The following CCDC171 variants were observed in gnomAD, a reference collection of about 807,000 sequenced individuals.
CCDC171 encodes coiled-coil domain-containing protein 171.
CCDC171 carries 177 observed loss-of-function variants against 168.2 expected under a neutral mutation model. The ratio of observed to expected loss-of-function variants is 1.05; its 90% CI spans 0.93 to 1.19. The LOEUF is 1.19. CCDC171 is among the 50% of genes most tolerant of loss of function. CCDC171 has a pLI of 0.00. For synonymous variants in CCDC171, 687 were observed against 540.8 expected, an observed-to-expected ratio of 1.27 and a Z score of -3.75; for missense variants, 1,991 against 1,539.0, an observed-to-expected ratio of 1.29 and a Z score of -4.91.
intron 7 of CCDC171, among the ~76,000 whole-genome samples, chr9:15,630,327 G>A (rs1161205147): frequency 2.0e-5 from 3 of 152,256 alleles, no homozygotes; most frequent in East Asian, 3.9e-4. Flanking sequence ...AAGGATGGAG[G>A]AAGATCTACC....
chr9:15,626,756 G>A (rs1203076835), intron 7 of CCDC171, among the ~76,000 whole-genome samples: 1 of 152,208 alleles, frequency 6.6e-6, no homozygotes, highest in Non-Finnish European at 1.5e-5. Flanking sequence ...GTTCATCAGG[G>A]ATATTGGTCT....
chr9:15,988,605 G>A (rs987385047), intron 3 of CCDC171, among the ~76,000 whole-genome samples: 15 of 152,174 alleles, frequency 9.9e-5, no homozygotes, highest in African/African-American at 3.1e-4. Flanking sequence ...CACACCCACC[G>A]AGCATGAGCC....
chr9:15,733,837 C>T (rs541977286), intron 16 of CCDC171, among the ~76,000 whole-genome samples: 28 of 152,142 alleles, frequency 1.8e-4, no homozygotes, highest in African/African-American at 5.1e-4. Context: ...GGCACAGTCA[C>T]GGCTCACTGC....
intron 1 of CCDC171, among the ~76,000 whole-genome samples, chr9:16,044,131 C>T (rs1405713946): frequency 6.6e-6 from 1 of 152,192 alleles, no homozygotes; most frequent in Non-Finnish European, 1.5e-5. Context: ...AGCAACAATA[C>T]ACTACTTCTT....
At position 15,972,385 on chromosome 9, in the gene CCDC171, A is replaced by G. The variant is rs1466589274; in HGVS notation, c.*549A>G. 6.5e-6 allele frequency: 1 copy of G among 154,282 alleles called. No homozygotes were observed. Among genetic ancestry groups the G allele is most frequent in the Non-Finnish European group, 1.4e-5 (1 of 69,646 alleles). 9.6% of individuals were successfully genotyped at this position (154,282 alleles called of 1,614,324 possible). On this transcript the variant is annotated 3_prime_UTR_variant, in exon 26 of 26. Coordinates refer to ENST00000380701, the MANE Select transcript of CCDC171 (RefSeq NM_173550.4). ...ATGTGACTGCTTCTCCTCCTGCACA[A>G]TAATGTCACTCCTGGTCAATGTGAG...
At chr9:15,976,691 T>A (rs557729534), downstream of CCDC171, among the ~76,000 whole-genome samples, 1 of 151,554 alleles carries the variant, frequency 6.6e-6, no homozygotes, top group South Asian at 2.1e-4. Flanking sequence ...TTTAAATATA[T>A]TTAAAAGAAA....
At position 16,007,752 on chromosome 9, in the gene CCDC171, T is replaced by C. The variant is rs558028304; in HGVS notation, n.369-12837T>C. On this transcript the variant is annotated intron_variant and non_coding_transcript_variant, in intron 3 of 9. Transcript: ENST00000486641. ...AGATCAGCTGGTTGTAGATGTGTGG[T>C]ATTATTTCTGAGGGCTCTGTTCTGT... Among the ~76,000 whole-genome samples the C allele has an allele frequency of 1.8e-3, 280 of 152,308 alleles. 3 individuals are homozygous for C. Among genetic ancestry groups the C allele is most frequent in the African/African-American group, 6.5e-3 (270 of 41,570 alleles).
chr9:15,907,719 G>A (rs1311243611), intron 24 of CCDC171, among the ~76,000 whole-genome samples: 3 of 152,112 alleles, frequency 2.0e-5, no homozygotes, highest in Non-Finnish European at 4.4e-5. Context: ...GAGTGAACAG[G>A]CAACCTACAG....
chr9:15,952,341 C>G (rs1176816247), intron 25 of CCDC171, among the ~76,000 whole-genome samples: 1 of 152,076 alleles, frequency 6.6e-6, no homozygotes, highest in South Asian at 2.1e-4. Context: ...CTCCTTTTTT[C>G]AATCTTGTTT....
At chr9:15,594,866 G>T (rs2042230308) in intron 6 of CCDC171, among the ~76,000 whole-genome samples, 1 of 152,030 alleles carries the variant, frequency 6.6e-6, no homozygotes, top group Non-Finnish European at 1.5e-5. Flanking sequence ...ATTTGTGAAG[G>T]TAATCCTCTT....
the CCDC171 span, among the ~76,000 whole-genome samples, chr9:16,069,381 A>C: frequency 6.6e-6 from 1 of 152,238 alleles, no homozygotes; most frequent in Non-Finnish European, 1.5e-5. Context: ...ATCATCAATC[A>C]GGAAGGAAGA....
chr9:15,932,879 T>C (rs1826694181), intron 25 of CCDC171, among the ~76,000 whole-genome samples: 1 of 152,032 alleles, frequency 6.6e-6, no homozygotes, highest in African/African-American at 2.4e-5. Context: ...TTTATGTTAA[T>C]GTGGTATATC....
intron 25 of CCDC171, among the ~76,000 whole-genome samples, chr9:15,951,309 A>T (rs1401514441): frequency 6.6e-6 from 1 of 151,760 alleles, no homozygotes; most frequent in Non-Finnish European, 1.5e-5. Flanking sequence ...ACCCGAAATC[A>T]ACAGAATATA....
At chr9:15,824,860 C>G (rs1466043246) in intron 21 of CCDC171, among the ~76,000 whole-genome samples, 2 of 152,030 alleles carry the variant, frequency 1.3e-5, no homozygotes, top group East Asian at 1.9e-4. Context: ...GTTCATGGTA[C>G]TATTATGAAG....
Position 15,594,127 on chromosome 9 carries a change from A to G in CCDC171, c.630A>G (p.Glu210=). 1 of 1,498,476 alleles carries G rather than the reference A, an allele frequency of 6.7e-7. No homozygotes were observed. Among genetic ancestry groups the G allele is most frequent in the Non-Finnish European group, 9.3e-7 (1 of 1,079,198 alleles). 92.8% of individuals were successfully genotyped at this position (1,498,476 alleles called of 1,614,324 possible). A position where few individuals can be genotyped will look rare whatever the true frequency, so the allele number is the denominator to read the frequency against. The part of the protein sequence containing the change: ...ETALEEFRLQ[E]EQWEAERREL... Reference sequence around the variant, plus strand: ...CATTGGAGGAGTTTAGATTACAAGAAGAACAATGGGAAGCAGAAAGAAGAG... The same window carrying G: ...CATTGGAGGAGTTTAGATTACAAGAGGAACAATGGGAAGCAGAAAGAAGAG... Residue 210 remains glutamate, a synonymous_variant, in exon 6 of 26, where the codon GAA becomes GAG. Transcript: ENST00000380701.
chr9:15,967,770 G>A (rs1006827951), intron 25 of CCDC171, among the ~76,000 whole-genome samples: 10 of 152,126 alleles, frequency 6.6e-5, no homozygotes, highest in Non-Finnish European at 1.3e-4. Flanking sequence ...TAATCTCCAT[G>A]CAATACTACT....
chr9:15,883,490 T>C (rs1387379877), intron 24 of CCDC171, among the ~76,000 whole-genome samples: 1 of 152,176 alleles, frequency 6.6e-6, no homozygotes, highest in Non-Finnish European at 1.5e-5. Flanking sequence ...TTCTATAAAG[T>C]TTTCTTTTTA....
chr9:15,996,220 G>T (rs1050057990), intron 3 of CCDC171, among the ~76,000 whole-genome samples: 2 of 152,092 alleles, frequency 1.3e-5, no homozygotes, highest in Non-Finnish European at 1.5e-5. Context: ...TTACACCACA[G>T]AGCAGAGAAT....
chr9:16,076,960 T>C, the CCDC171 span, among the ~76,000 whole-genome samples: 1 of 152,350 alleles, frequency 6.6e-6, no homozygotes, highest in South Asian at 2.1e-4. Context: ...GCTTGGATAT[T>C]TGGATAATCG....
Sources: allele counts gnomAD v4.1 joint callset (sites outside exome capture counted in the v4.1 genomes callset), GRCh38; gene constraint gnomAD v4.1.1; transcripts MANE v1.5; gene names NCBI Gene and HGNC (gene_info 2026-07-23, HGNC 2026-07-21).